The following ASXL2 variants were observed in gnomAD, a reference collection of about 807,000 sequenced individuals.
The protein encoded by ASXL2 is putative Polycomb group protein ASXL2.
A neutral mutation model predicts 122.0 loss-of-function variants in ASXL2; 23 were observed. The observed-to-expected ratio is 0.19, with a 90% confidence interval of 0.14 to 0.27. The LOEUF (loss-of-function observed/expected upper bound fraction) is 0.27, where lower values mean the gene tolerates loss of function less well. ASXL2 is among the 10% of genes least tolerant of loss of function. The probability of loss-of-function intolerance (pLI) is 1.00; values close to 1 mark genes in which losing one functional copy is unlikely to be tolerated. For missense variants in ASXL2, 1,518 were observed against 1,713.8 expected, an observed-to-expected ratio of 0.89 and a Z score of 2.02; for synonymous variants, 650 against 637.0, an observed-to-expected ratio of 1.02 and a Z score of -0.31.
chr2:25,748,174 T>C (rs1029765948), intron 12 of ASXL2, among the ~76,000 whole-genome samples: 1 of 149,940 alleles, frequency 6.7e-6, no homozygotes, highest in Admixed American at 6.7e-5. Flanking sequence ...CAAGACTCCA[T>C]CTTGGGGGGC....
chr2:25,764,173 G>A (rs2088300775), intron 8 of ASXL2, among the ~76,000 whole-genome samples: 1 of 152,148 alleles, frequency 6.6e-6, no homozygotes, highest in African/African-American at 2.4e-5. Context: ...TGCCAGAAAT[G>A]ACATTTTAAA....
intron 5 of ASXL2, among the ~76,000 whole-genome samples, chr2:25,780,854 G>A (rs1469933543): frequency 2.0e-5 from 3 of 152,000 alleles, no homozygotes; most frequent in African/African-American, 4.8e-5. Context: ...TTGGGAGGCC[G>A]AGGTGGGCGG....
intron 3 of ASXL2, among the ~76,000 whole-genome samples, chr2:25,820,411 A>T (rs916975714): frequency 4.6e-5 from 7 of 152,218 alleles, no homozygotes; most frequent in Non-Finnish European, 8.8e-5. Context: ...TATGATTTTT[A>T]AAAAAGTAAG....
In ASXL2 at chr2:25,744,460, A is replaced by AT; in HGVS notation, c.1876dup (p.Ile626AsnfsTer23). On this transcript the variant is annotated frameshift_variant, in exon 13 of 13. Transcript: ENST00000435504. LOFTEE classifies it high-confidence loss of function. This position sits in a 1 kb window ranked among gnomAD's most constrained non-coding sequence, Gnocchi z 4.7. ...CGATGGATGAAACGGCATGGGGGAGATTCTGGAGACCGGGATCTGAAAGAA... is the reference window on the plus strand; with the variant it reads ...CGATGGATGAAACGGCATGGGGGAGATTTCTGGAGACCGGGATCTGAAAGAA... 1 of 1,597,964 alleles carries AT rather than the reference A, an allele frequency of 6.3e-7. No homozygotes were observed. The highest frequency in any genetic ancestry group is 8.5e-7 in the Non-Finnish European group (1 of 1,175,050).
rs533575627 is a variant in ASXL2 at position 25,828,608 on chromosome 2, G to A, written c.143+6930C>T. 1.8e-4 allele frequency among the ~76,000 whole-genome samples: 27 copies of A among 150,990 alleles called. No homozygotes were observed. The South Asian group carries it at 5.2e-3, about 29-fold the overall frequency. ...TGGGAGACCAAGGTGGGCAGATCACGAGGTCAGGAGTTTGAGACCAGCTTG... is the reference window on the plus strand; with the variant it reads ...TGGGAGACCAAGGTGGGCAGATCACAAGGTCAGGAGTTTGAGACCAGCTTG... On this transcript the variant is annotated intron_variant, in intron 3 of 12. Transcript: ENST00000435504.
chr2:25,764,083 T>C (rs1402270228), intron 8 of ASXL2, among the ~76,000 whole-genome samples: 1 of 152,180 alleles, frequency 6.6e-6, no homozygotes, highest in East Asian at 1.9e-4. Flanking sequence ...GTCTAAGAGG[T>C]AAATGTTGTC....
intron 3 of ASXL2, among the ~76,000 whole-genome samples, chr2:25,808,090 T>TG (rs1361353162): frequency 4.0e-5 from 6 of 151,172 alleles, no homozygotes; most frequent in Non-Finnish European, 8.8e-5. Context: ...CTTGGGTATA[T>TG]GGGGGGGAAA....
intron 5 of ASXL2, among the ~76,000 whole-genome samples, chr2:25,782,787 G>C (rs1342807513): frequency 6.6e-6 from 1 of 152,064 alleles, no homozygotes; most frequent in East Asian, 1.9e-4. Flanking sequence ...TTTTATTCTA[G>C]CTCTGTAACA....
intron 2 of ASXL2, among the ~76,000 whole-genome samples, chr2:25,843,791 C>T (rs1202300009): frequency 3.0e-5 from 3 of 100,156 alleles, no homozygotes; most frequent in Non-Finnish European, 5.7e-5. Context: ...CAAGGCTGGG[C>T]AACATAATGA....
chr2:25,781,008 CAGA>C (rs1407520969), intron 5 of ASXL2, among the ~76,000 whole-genome samples: 2 of 145,588 alleles, frequency 1.4e-5, no homozygotes, highest in African/African-American at 5.2e-5. Flanking sequence ...GGTGTGAACC[CAGA>C]AGGAGGAGCT....
Position 25,744,418 on chromosome 2 carries a change from G to A in ASXL2, c.1919C>T (p.Ala640Val). The change falls in exon 13 of 13, where the codon GCT (alanine) becomes GTT (valine). Residue 640 changes from alanine (A) to valine (V), a missense_variant. Ala to Val is a moderately conservative substitution (Grantham distance 64, BLOSUM62 0). Around this residue, in one of 8 missense-constraint regions of ASXL2, gnomAD observed 292 missense variants for 293.5 expected, o/e 1.00. Coordinates refer to ENST00000435504, the MANE Select transcript of ASXL2 (RefSeq NM_018263.6). The surrounding 1 kb of genome is among the most constrained non-coding windows in gnomAD (Gnocchi z 4.7). Reference protein sequence around the residue: ...PFHPSQVSPRARFPVSITSPN... With the variant: ...PFHPSQVSPRVRFPVSITSPN... ...ACTAGTGATGGAGACTGGAAAACGA[G>A]CCCTGGGAGAGACCTGCGATGGATG... The A allele has an allele frequency of 1.9e-6, 3 of 1,613,434 alleles. No homozygotes were observed. Among genetic ancestry groups the A allele is most frequent in the East Asian group, 2.2e-5 (1 of 44,884 alleles).
intron 12 of ASXL2, among the ~76,000 whole-genome samples, chr2:25,745,726 C>A (rs2087931218): frequency 6.8e-6 from 1 of 147,246 alleles, no homozygotes; most frequent in Non-Finnish European, 1.5e-5. Flanking sequence ...TCACTGTAAC[C>A]TCTGCCTCCT....
chr2:25,807,473 G>C (rs1213096853), intron 3 of ASXL2, among the ~76,000 whole-genome samples: 1 of 152,146 alleles, frequency 6.6e-6, no homozygotes, highest in East Asian at 1.9e-4. Context: ...AGAAACTATT[G>C]AGCATTTCCA....
At chr2:25,779,396 C>G (rs542803112) in intron 5 of ASXL2, among the ~76,000 whole-genome samples, 1 of 152,158 alleles carries the variant, frequency 6.6e-6, no homozygotes, top group South Asian at 2.1e-4. Context: ...CCATGCCCAG[C>G]CTGATTTTGT....
chr2:25,766,876 T>C (rs2088362689), intron 8 of ASXL2, among the ~76,000 whole-genome samples: 1 of 152,086 alleles, frequency 6.6e-6, no homozygotes, highest in South Asian at 2.1e-4. Context: ...TCAAACTGCT[T>C]CTTACTAACT....
intron 1 of ASXL2, among the ~76,000 whole-genome samples, chr2:25,868,881 T>C (rs554579232): frequency 1.9e-3 from 295 of 151,858 alleles, no homozygotes; most frequent in African/African-American, 6.9e-3. Context: ...ATACAAAACA[T>C]TGGCCAGGTG....
At chr2:25,875,647 AT>A (rs1259265309) in intron 1 of ASXL2, among the ~76,000 whole-genome samples, 1 of 152,204 alleles carries the variant, frequency 6.6e-6, no homozygotes, top group Non-Finnish European at 1.5e-5. Flanking sequence ...TTGGTATATT[AT>A]TGGTCAGGAA....
At chr2:25,806,460 A>G (rs1049641816) in intron 3 of ASXL2, 123 bp from the exon 4 acceptor site, 1 of 588,408 alleles carries the variant, frequency 1.7e-6, no homozygotes, top group Non-Finnish European at 2.9e-6. Context: ...CATATCTTAT[A>G]AACTATAAGA....
chr2:25,758,768 A>G (rs985528615), intron 9 of ASXL2, among the ~76,000 whole-genome samples: 4 of 151,950 alleles, frequency 2.6e-5, no homozygotes, highest in African/African-American at 9.7e-5. Context: ...AAAATGTAAC[A>G]AAAGAATGCA....
Sources: allele counts gnomAD v4.1 joint callset (sites outside exome capture counted in the v4.1 genomes callset), GRCh38; gene constraint gnomAD v4.1.1; regional missense constraint gnomAD v4.1.1; non-coding constraint Gnocchi (gnomAD v3.1); transcripts MANE v1.5; gene names NCBI Gene and HGNC (gene_info 2026-07-23, HGNC 2026-07-21).